HAT1: variants seen among roughly 807,000 people sequenced by gnomAD.
HAT1 encodes histone acetyltransferase 1.
Under a neutral mutation model 56.6 loss-of-function variants are expected in HAT1, and 20 were observed. The ratio of observed to expected loss-of-function variants is 0.35; its 90% CI spans 0.25 to 0.51. The LOEUF is 0.51. HAT1 is among the 20% of genes least tolerant of loss of function. HAT1 has a pLI of 0.95. For synonymous variants in HAT1, 146 were observed against 165.5 expected (o/e 0.88, Z 0.91); for missense variants, 408 against 504.3 (o/e 0.81, Z 1.83).
In HAT1 at chr2:171,953,007, A is replaced by G; in HGVS notation, c.309+6A>G. The G allele has an allele frequency of 6.4e-7, 1 of 1,555,456 alleles. No homozygotes were observed. On this transcript the variant is annotated splice_donor_region_variant and intron_variant, in intron 4 of 10. Transcript: ENST00000264108. ...AGAACTTTGACTGTGTAGAGGTAAG[A>G]ACAGAAATACTTTTTAAACTGTTTT...
chr2:171,937,054 AAG>A (rs2105309644), intron 2 of HAT1, among the ~76,000 whole-genome samples: 1 of 152,238 alleles, frequency 6.6e-6, no homozygotes, highest in Admixed American at 6.5e-5. Context: ...TCCCAGGCTC[AAG>A]TGATCCTTCC....
At chr2:171,923,869 G>A (rs946648418) in intron 1 of HAT1, 7 of 152,212 alleles carry the variant, frequency 4.6e-5, no homozygotes, top group African/African-American at 1.7e-4. Context: ...TGGGGTTGAT[G>A]TAATACCTAC....
At chr2:171,976,370 C>T in intron 9 of HAT1, 62 bp downstream of exon 9, 1 of 890,390 alleles carries the variant, frequency 1.1e-6, no homozygotes, top group South Asian at 2.4e-5. Flanking sequence ...GAAGTGTATA[C>T]CTTAACTAAA....
At chr2:171,938,930 G>T (rs1315419969) in intron 2 of HAT1, among the ~76,000 whole-genome samples, 4 of 152,082 alleles carry the variant, frequency 2.6e-5, no homozygotes, top group Non-Finnish European at 5.9e-5. Flanking sequence ...TAGTAGAGAC[G>T]GGGTTTCGCC....
intron 4 of HAT1, among the ~76,000 whole-genome samples, chr2:171,963,782 T>C (rs961110362): frequency 2.0e-5 from 3 of 152,146 alleles, no homozygotes; most frequent in Non-Finnish European, 4.4e-5. Flanking sequence ...ATGCTTACGA[T>C]GGCCTCTTCA....
chr2:171,966,875 A>G lies in HAT1; in HGVS notation c.749A>G (p.Gln250Arg). The change falls in exon 8 of 11, where the codon CAA (glutamine) becomes CGA (arginine). Residue 250 changes from glutamine to arginine, a missense_variant. Gln to Arg is a conservative substitution (Grantham distance 43). Coordinates refer to ENST00000264108, the MANE Select transcript of HAT1 (RefSeq NM_003642.4). ...CTGATTTTGACTCCATTTCAAGGTC[A>G]AGGCCATGGTGCTCAACTTCTTGAA... ...QMLILTPFQGQGHGAQLLETV... is the reference protein window; with the variant it reads ...QMLILTPFQGRGHGAQLLETV... 2 of 1,591,066 alleles carry G rather than the reference A, an allele frequency of 1.3e-6. No homozygotes were observed. Among genetic ancestry groups the G allele is most frequent in the Non-Finnish European group, 1.7e-6 (2 of 1,160,016 alleles).
chr2:171,943,041 A>T (rs890287440), intron 2 of HAT1, among the ~76,000 whole-genome samples: 4 of 150,818 alleles, frequency 2.7e-5, no homozygotes, highest in African/African-American at 9.7e-5. Context: ...GTAGTTGTGA[A>T]TTTTTAGGTT....
chr2:171,965,678 C>A, intron 5 of HAT1, 109 bp from the exon 6 acceptor site: 1 of 1,139,040 alleles, frequency 8.8e-7, no homozygotes, highest in Non-Finnish European at 1.3e-6. Context: ...ATGTTCACAT[C>A]TTAATCTGAG....
intron 8 of HAT1, among the ~76,000 whole-genome samples, chr2:171,967,778 A>G (rs914223252): frequency 6.6e-6 from 1 of 152,162 alleles, no homozygotes; most frequent in African/African-American, 2.4e-5. Context: ...TAATCTTACA[A>G]GTTTGAATTT....
intron 10 of HAT1, among the ~76,000 whole-genome samples, chr2:171,981,269 A>G (rs1339722725): frequency 6.6e-6 from 1 of 152,192 alleles, no homozygotes; most frequent in African/African-American, 2.4e-5. Flanking sequence ...CAGTTGCTCA[A>G]TGATAAAATG....
chr2:171,940,072 G>C (rs1040661047), intron 2 of HAT1, among the ~76,000 whole-genome samples: 8 of 152,120 alleles, frequency 5.3e-5, no homozygotes, highest in African/African-American at 1.7e-4. Context: ...GTCTGGCCAA[G>C]GTGACCTCTT....
chr2:171,977,539 ATATATATATATATATATATTTTTTTTTTT>A (rs1312029647), intron 9 of HAT1, among the ~76,000 whole-genome samples: 2 of 28,080 alleles, frequency 7.1e-5, no homozygotes, highest in African/African-American at 1.3e-4. Context: ...ATATATATAT[ATATATATATATATATATATTTTTTTTTTT>A]TTTTTTTTTT....
chr2:171,949,147 TAAGA>T (rs1285371454), intron 3 of HAT1, among the ~76,000 whole-genome samples: 1 of 152,206 alleles, frequency 6.6e-6, no homozygotes, highest in Admixed American at 6.5e-5. Context: ...CATGCTACTA[TAAGA>T]AAGAGCTCTT....
At chr2:171,955,994 G>A (rs143663792) in intron 4 of HAT1, among the ~76,000 whole-genome samples, 13 of 151,744 alleles carry the variant, frequency 8.6e-5, no homozygotes, top group Non-Finnish European at 2.9e-5. Context: ...GCGGTGAGCC[G>A]ATATCGCGCC....
chr2:171,954,108 T>C (rs1451350029), intron 4 of HAT1, among the ~76,000 whole-genome samples: 1 of 152,252 alleles, frequency 6.6e-6, no homozygotes, highest in Non-Finnish European at 1.5e-5. Context: ...GTTTCCTGCA[T>C]GGACCTTCTT....
chr2:171,952,917 G>A lies in HAT1; in HGVS notation c.225G>A (p.Leu75=). Residue 75 remains leucine, a synonymous_variant, in exon 4 of 11, where the codon CTG becomes CTA. Coordinates refer to ENST00000264108, the MANE Select transcript of HAT1 (RefSeq NM_003642.4). ...TTGGTTACAAGGGTCTAAAGATCCT[G>A]TTATACTATATTGCTGGTAGCCTGT... is the stretch of plus-strand genomic sequence containing the variant. ...TAFGYKGLKI[L]LYYIAGSLST... is the part of the protein sequence containing the mutation. 1 of 1,593,202 alleles carries A rather than the reference G, an allele frequency of 6.3e-7. No individual in the cohort carries two copies. The highest frequency in any genetic ancestry group is 8.6e-7 in the Non-Finnish European group (1 of 1,162,318).
chr2:171,940,438 C>T (rs1194412710), intron 2 of HAT1, among the ~76,000 whole-genome samples: 1 of 152,160 alleles, frequency 6.6e-6, no homozygotes, highest in Non-Finnish European at 1.5e-5. Context: ...AGGAGGAACA[C>T]GCGCCACCTT....
At chr2:171,925,412 T>C in intron 1 of HAT1, 125 bp from the exon 2 acceptor site, 1 of 582,308 alleles carries the variant, frequency 1.7e-6, no homozygotes, top group Non-Finnish European at 3.1e-6. Flanking sequence ...GGAGAATGAC[T>C]TGTGCTTTTA....
chr2:171,975,373 G>A (rs189128378), intron 8 of HAT1, among the ~76,000 whole-genome samples: 10 of 152,238 alleles, frequency 6.6e-5, no homozygotes, highest in African/African-American at 2.4e-4. Flanking sequence ...CCAAAGTGCT[G>A]GGATTACAGG....
Sources: gnomAD v4.1 joint callset for allele counts (sites outside exome capture counted in the v4.1 genomes callset) on GRCh38, gnomAD v4.1.1 for gene constraint, MANE v1.5 for transcripts, NCBI Gene and HGNC (gene_info 2026-07-23, HGNC 2026-07-21) for gene names.